TMEM130: variants seen among roughly 807,000 people sequenced by gnomAD.
TMEM130 encodes the protein transmembrane protein 130.
TMEM130 carries 37 observed loss-of-function variants against 42.9 expected under a neutral mutation model. That is an observed-to-expected ratio of 0.86 (90% CI 0.66 to 1.13). The LOEUF (loss-of-function observed/expected upper bound fraction) is 1.13, where lower values mean the gene tolerates loss of function less well. Among genes scored for constraint, TMEM130 ranks in the 50% most tolerant of loss-of-function variants. TMEM130 has a pLI of 0.00. For synonymous variants in TMEM130, 259 were observed against 237.7 expected, an observed-to-expected ratio of 1.09 and a Z score of -0.82; for missense variants, 545 against 562.6, an observed-to-expected ratio of 0.97 and a Z score of 0.32.
At chr7:98,857,221 G>A (rs759539535) in intron 3 of TMEM130, among the ~76,000 whole-genome samples, 22 of 152,024 alleles carry the variant, frequency 1.4e-4, no homozygotes, top group African/African-American at 1.4e-4. Flanking sequence ...CCATAGGCCC[G>A]CACTTATTTT....
At chr7:98,867,942 T>G (rs1164170892) in intron 1 of TMEM130, among the ~76,000 whole-genome samples, 1 of 152,182 alleles carries the variant, frequency 6.6e-6, no homozygotes, top group Admixed American at 6.5e-5. Context: ...CAAATTCATC[T>G]TTCCAGGCCG....
intron 2 of TMEM130, among the ~76,000 whole-genome samples, chr7:98,861,225 C>T (rs931773805): frequency 6.6e-6 from 1 of 151,882 alleles, no homozygotes; most frequent in African/African-American, 2.4e-5. Context: ...GTAGTCCCAG[C>T]TACTTGGGAG....
intron 4 of TMEM130, among the ~76,000 whole-genome samples, chr7:98,855,572 C>T (rs1427425449): frequency 1.3e-5 from 2 of 152,226 alleles, no homozygotes; most frequent in Non-Finnish European, 2.9e-5. Flanking sequence ...ATTGCCAAGT[C>T]ATCGTCTGTG....
At chr7:98,866,980 C>G (rs1262046980) in intron 1 of TMEM130, 1 of 152,034 alleles carries the variant, frequency 6.6e-6, no homozygotes, top group Non-Finnish European at 1.5e-5. Context: ...ACCTGTTGCC[C>G]CAGCTACTTG....
intron 3 of TMEM130, among the ~76,000 whole-genome samples, chr7:98,856,766 G>A (rs1041279371): frequency 2.0e-5 from 3 of 152,130 alleles, no homozygotes; most frequent in African/African-American, 7.2e-5. Context: ...TAAAGTGCTG[G>A]GATTATAGGC....
At chr7:98,864,347 T>C (rs575180089) in intron 1 of TMEM130, among the ~76,000 whole-genome samples, 76 of 151,548 alleles carry the variant, frequency 5.0e-4, no homozygotes, top group African/African-American at 1.8e-3. Context: ...CTGTGACTTG[T>C]AGGTCCAAGT....
rs1794739101 is a variant in TMEM130, at chr7:98,860,310, G to A, written c.420C>T (p.Thr140=). 3.1e-6 allele frequency: 5 copies of A among 1,604,360 alleles called. No homozygotes were observed. Among genetic ancestry groups the A allele is most frequent in the Non-Finnish European group, 8.5e-7 (1 of 1,174,452 alleles). Residue 140 remains threonine (T), a synonymous_variant, in exon 3 of 8, where the codon ACC becomes ACT. Transcript: ENST00000339375. Reference sequence around the variant, plus strand: ...TGGGCCAGGGTAGGGAAGTGTTCTGGGTGACAACAAGGTCCCCCACGAGGA... The same window carrying A: ...TGGGCCAGGGTAGGGAAGTGTTCTGAGTGACAACAAGGTCCCCCACGAGGA... ...TEFLVGDLVV[T]QNTSLPWPSS... is the part of the protein sequence containing the mutation.
At chr7:98,860,477 G>T in intron 2 of TMEM130, 139 bp from the exon 3 acceptor site, 1 of 864,264 alleles carries the variant, frequency 1.2e-6, no homozygotes. Context: ...GCAGGGAGAG[G>T]GGACACCCCC....
intron 5 of TMEM130, among the ~76,000 whole-genome samples, 191 bp from the exon 6 acceptor site, chr7:98,851,814 C>T (rs1370086188): frequency 6.6e-6 from 1 of 152,032 alleles, no homozygotes. Context: ...GGTCCCGGAC[C>T]CCCAAGAGAA....
At position 98,856,009 on chromosome 7, in the gene TMEM130, A is replaced by T. The variant is rs1009950058; in HGVS notation, c.718+8T>A. On this transcript the variant is annotated splice_region_variant and intron_variant, in intron 4 of 7. Coordinates refer to ENST00000339375, the MANE Select transcript of TMEM130 (RefSeq NM_152913.3). The stretch of plus-strand genomic sequence containing the variant: ...GCCCAGACTGCATCAGCCTGCCTGG[A>T]CACCCACCCTGCAGCTTCAGCGAGG... 3.7e-6 allele frequency: 6 copies of T among 1,611,580 alleles called. No homozygotes were observed. Among genetic ancestry groups the T allele is most frequent in the Admixed American group, 1.7e-5 (1 of 59,962 alleles).
intron 3 of TMEM130, 90 bp downstream of exon 3, chr7:98,860,089 A>T: frequency 3.3e-6 from 4 of 1,203,934 alleles, no homozygotes; most frequent in South Asian, 2.8e-5. Context: ...AAAAAATTAA[A>T]GGTGAAGAGA....
chr7:98,853,393 C>T (rs1415633035), intron 5 of TMEM130, among the ~76,000 whole-genome samples: 1 of 152,062 alleles, frequency 6.6e-6, no homozygotes, highest in East Asian at 1.9e-4. Flanking sequence ...TTTGGGAGGC[C>T]GAGGTGGGTG....
intron 3 of TMEM130, among the ~76,000 whole-genome samples, chr7:98,858,440 G>A (rs546380226): frequency 1.3e-4 from 20 of 152,186 alleles, no homozygotes; most frequent in Non-Finnish European, 2.4e-4. Flanking sequence ...TACTCGAGAG[G>A]TCGAGGCAAG....
Position 98,856,196 on chromosome 7 carries a change from A to G in TMEM130, c.552-13T>C, listed in dbSNP as rs1028341433. ...CACCATCTGGGTCCTGTTAGGAGAC[A>G]GGGAGGAGAGAGGAGGAAGACAGCA... On this transcript the variant is annotated splice_polypyrimidine_tract_variant and intron_variant, in intron 3 of 7. Transcript: ENST00000339375. 9.3e-6 allele frequency: 15 copies of G among 1,612,056 alleles called. No homozygotes were observed. The highest frequency in any genetic ancestry group is 1.3e-5 in the Non-Finnish European group (15 of 1,178,978).
intron 6 of TMEM130, among the ~76,000 whole-genome samples, chr7:98,850,271 A>ATTT (rs1290884464): frequency 0.035 from 1,168 of 33,772 alleles, 38 homozygotes; most frequent in African/African-American, 0.086. Context: ...ATATATATAT[A>ATTT]TATTTTTTTT....
At position 98,860,237 on chromosome 7, in the gene TMEM130, C is replaced by A; in HGVS notation, c.493G>T (p.Asp165Tyr). The change falls in exon 3 of 8, where the codon GAC becomes TAC. Residue 165 changes from aspartate to tyrosine, a missense_variant. By Grantham distance (160) the Asp-to-Tyr change is radical. Coordinates refer to ENST00000339375, the MANE Select transcript of TMEM130 (RefSeq NM_152913.3). ...TVLKVSFLLH[D>Y]PSNFLKTALF... is the part of the protein sequence containing the mutation. ...GCGGTCTTGAGGAAGTTGCTCGGGT[C>A]GTGGAGGAGGAAGGAGACTTTCAGG... 1 of 1,613,878 alleles carries A rather than the reference C, an allele frequency of 6.2e-7. No homozygotes were observed. The highest frequency in any genetic ancestry group is 8.5e-7 in the Non-Finnish European group (1 of 1,179,946).
At chr7:98,857,948 G>A (rs990261587) in intron 3 of TMEM130, among the ~76,000 whole-genome samples, 2 of 151,542 alleles carry the variant, frequency 1.3e-5, no homozygotes, top group Admixed American at 1.3e-4. Flanking sequence ...TGCCATTTTG[G>A]CCAGGCTGGT....
intron 5 of TMEM130, 100 bp from the exon 6 acceptor site, chr7:98,851,723 C>A: frequency 9.1e-7 from 1 of 1,094,390 alleles, no homozygotes. Flanking sequence ...CTTCAGTGTC[C>A]TTTCCAGGAC....
Position 98,860,353 on chromosome 7 carries a change from G to C in TMEM130, c.392-15C>G, listed in dbSNP as rs2116109850. 3 of 1,573,394 alleles carry C rather than the reference G, an allele frequency of 1.9e-6. No individual in the cohort carries two copies. In the South Asian group the frequency reaches 3.5e-5, roughly 18 times the overall value. On this transcript the variant is annotated splice_polypyrimidine_tract_variant and intron_variant, in intron 2 of 7. Coordinates refer to ENST00000339375, the MANE Select transcript of TMEM130 (RefSeq NM_152913.3). ...CACGAGGAACTCTGGGAGAGAGAGA[G>C]ACACGGGAGGGTGAGTCTTGGAGAT...
Sources: gnomAD v4.1 joint callset for allele counts (sites outside exome capture counted in the v4.1 genomes callset) on GRCh38, gnomAD v4.1.1 for gene constraint, MANE v1.5 for transcripts, NCBI Gene and HGNC (gene_info 2026-07-23, HGNC 2026-07-21) for gene names.